CYSLTR1: variants seen among roughly 807,000 people sequenced by gnomAD.
CYSLTR1 encodes cysteinyl leukotriene receptor 1, also known as G-protein coupled receptor HG55.
In CYSLTR1, 1 loss-of-function variant was observed where a neutral mutation model predicts 2.1. The observed-to-expected ratio is 0.48, with a 90% CI of 0.17 to 2.28. CYSLTR1 has a LOEUF of 2.28. Among genes scored for constraint, CYSLTR1 ranks in the 30% most tolerant of loss-of-function variants. The probability of loss-of-function intolerance (pLI) is 0.26; values close to 1 mark genes in which losing one functional copy is unlikely to be tolerated. For synonymous variants in CYSLTR1, 110 were observed against 89.6 expected, an observed-to-expected ratio of 1.23 and a Z score of -1.28; for missense variants, 299 against 250.1, an observed-to-expected ratio of 1.20 and a Z score of -1.32.
intron 1 of CYSLTR1, among the ~76,000 whole-genome samples, chrX:78,292,186 T>G (rs771337722): frequency 1.8e-5 from 2 of 112,336 alleles, no homozygotes; most frequent in Admixed American, 9.4e-5. Flanking sequence ...TTTCATTGGT[T>G]TCAAAGAACA....
chrX:78,307,406 C>A (rs1416925356), intron 1 of CYSLTR1, among the ~76,000 whole-genome samples: 1 of 111,710 alleles, frequency 9.0e-6, no homozygotes, highest in East Asian at 2.8e-4. Context: ...TATTATCTTA[C>A]AACATTGCTG....
rs757639521 is a variant in CYSLTR1, at chrX:78,273,054, A to C, written c.693T>G (p.Ala231=). The change falls in exon 3 of 3, where the codon GCT becomes GCG. Residue 231 remains alanine, a synonymous_variant. Transcript: ENST00000373304. ...CGGTCACGACCATGATCATTCCTAT[A>C]GCCTTTTTATGACTTGACAGATTTT... ...MKKNLSSHKK[A]IGMIMVVTAA... is the part of the protein sequence containing the mutation. 7.4e-6 allele frequency: 9 copies of C among 1,209,442 alleles called. No individual in the cohort carries two copies. Among genetic ancestry groups the C allele is most frequent in the Non-Finnish European group, 1.0e-5 (9 of 894,822 alleles).
In CYSLTR1 at chrX:78,273,156, G is replaced by A. The variant is rs201161779; in HGVS notation, c.591C>T (p.Gly197=). The part of the protein sequence containing the change: ...LVLHYVSLFV[G]FIIPFVIIIV... ...TTATAATAACAAAAGGGATGATAAA[G>A]CCAACAAACAATGACACATAATGCA... Residue 197 remains glycine, a synonymous_variant, in exon 3 of 3, where the codon GGC becomes GGT. Transcript: ENST00000373304. The A allele has an allele frequency of 8.3e-5, 100 of 1,207,524 alleles. No homozygotes were observed. Among genetic ancestry groups the A allele is most frequent in the South Asian group, 4.2e-4 (24 of 56,586 alleles).
intron 1 of CYSLTR1, among the ~76,000 whole-genome samples, chrX:78,315,720 A>T (rs1923390511): frequency 8.9e-6 from 1 of 111,913 alleles, no homozygotes; most frequent in African/African-American, 3.2e-5. Flanking sequence ...TTGTAATTTG[A>T]GTGCCAACTC....
At chrX:78,317,181 A>C (rs1923450094) in intron 1 of CYSLTR1, among the ~76,000 whole-genome samples, 1 of 112,658 alleles carries the variant, frequency 8.9e-6, no homozygotes, top group African/African-American at 3.2e-5. Context: ...AGGGACATGT[A>C]TAGACAATTC....
At chrX:78,303,375 C>A (rs1922899271) in intron 1 of CYSLTR1, among the ~76,000 whole-genome samples, 1 of 107,884 alleles carries the variant, frequency 9.3e-6, no homozygotes, top group African/African-American at 3.4e-5. Context: ...AAGTTAAAAT[C>A]AGGTGCTATG....
At position 78,272,447 on chromosome X, in the gene CYSLTR1, A is replaced by G. The variant is rs1921306283; in HGVS notation, c.*286T>C. On this transcript the variant is annotated 3_prime_UTR_variant, in exon 3 of 3. Coordinates refer to ENST00000373304, the MANE Select transcript of CYSLTR1 (RefSeq NM_006639.4). Reference sequence around the variant, plus strand: ...GCTTTTATTTGAAGAGGAAAACTTTAATATAAGACATATTTTATAGTGCAA... The same window carrying G: ...GCTTTTATTTGAAGAGGAAAACTTTGATATAAGACATATTTTATAGTGCAA... 5.4e-6 allele frequency: 1 copy of G among 184,299 alleles called. No individual in the cohort carries two copies. The highest frequency in any genetic ancestry group is 3.0e-5 in the African/African-American group (1 of 33,759). 15.2% of individuals were successfully genotyped at this position (184,299 alleles called of 1,213,427 possible).
chrX:78,280,873 A>C (rs1432512099), intron 2 of CYSLTR1, among the ~76,000 whole-genome samples: 3 of 111,742 alleles, frequency 2.7e-5, no homozygotes, highest in Non-Finnish European at 3.8e-5. Context: ...GCTAAGGATA[A>C]TGGCCTCCAG....
rs768523427 is a variant in CYSLTR1 at position 78,272,855 on chromosome X, A to C, written c.892T>G (p.Ser298Ala). The change falls in exon 3 of 3, where the codon TCT becomes GCT. Residue 298 changes from serine (S) to alanine (A), a missense_variant. Coordinates refer to ENST00000373304, the MANE Select transcript of CYSLTR1 (RefSeq NM_006639.4). ...CCFDPLLYFF[S>A]GGNFRKRLST... Reference sequence around the variant, plus strand: ...AGCCTTTTCCTAAAGTTACCCCCAGAAAAGAAATATAGGAGAGGGTCAAAG... The same window carrying C: ...AGCCTTTTCCTAAAGTTACCCCCAGCAAAGAAATATAGGAGAGGGTCAAAG... The C allele has an allele frequency of 1.7e-6, 2 of 1,211,590 alleles. No individual in the cohort carries two copies. The highest frequency in any genetic ancestry group is 2.2e-6 in the Non-Finnish European group (2 of 895,479).
chrX:78,308,048 A>G (rs1051365771), intron 1 of CYSLTR1, among the ~76,000 whole-genome samples: 7 of 106,540 alleles, frequency 6.6e-5, no homozygotes, highest in Non-Finnish European at 1.2e-4. Context: ...GAAGCTCTTG[A>G]AAAAAAAAAG....
intron 1 of CYSLTR1, among the ~76,000 whole-genome samples, chrX:78,318,650 C>T (rs985510125): frequency 1.4e-4 from 16 of 112,290 alleles, no homozygotes; most frequent in Non-Finnish European, 2.6e-4. Flanking sequence ...TATTAGATTG[C>T]TCTACTTGGA....
chrX:78,298,677 G>A (rs958144867), intron 1 of CYSLTR1, among the ~76,000 whole-genome samples: 3 of 111,327 alleles, frequency 2.7e-5, no homozygotes, highest in Non-Finnish European at 1.9e-5. Context: ...TTTGTCTGTT[G>A]TAAGTATAGT....
rs1211681479 is a variant in CYSLTR1 at position 78,271,933 on chromosome X, A to T, written c.*800T>A. 1 of 111,735 alleles carries T rather than the reference A, an allele frequency of 8.9e-6. No individual in the cohort carries two copies. Among genetic ancestry groups the T allele is most frequent in the Non-Finnish European group, 1.9e-5 (1 of 53,130 alleles). 9.2% of individuals were successfully genotyped at this position (111,735 alleles called of 1,213,427 possible). ...GATAAGTTTTTAATTACTTCTATTT[A>T]TATATAGGAGTGCCAGTTGTCTGGC... On this transcript the variant is annotated 3_prime_UTR_variant, in exon 3 of 3. Coordinates refer to ENST00000373304, the MANE Select transcript of CYSLTR1 (RefSeq NM_006639.4).
intron 1 of CYSLTR1, among the ~76,000 whole-genome samples, chrX:78,306,626 G>A (rs974450531): frequency 8.9e-6 from 1 of 111,746 alleles, no homozygotes; most frequent in African/African-American, 3.3e-5. Flanking sequence ...GGATAAAGTG[G>A]CAATAACACA....
chrX:78,292,236 C>A (rs1414771180), intron 1 of CYSLTR1, among the ~76,000 whole-genome samples: 1 of 111,984 alleles, frequency 8.9e-6, no homozygotes, highest in East Asian at 2.8e-4. Context: ...ACCCAGTAGT[C>A]ATTTAGGAGC....
Position 78,272,766 on chromosome X carries a change from C to T in CYSLTR1, c.981G>A (p.Leu327=). The T allele has an allele frequency of 2.5e-6, 3 of 1,199,899 alleles. No individual in the cohort carries two copies. The South Asian group carries it at 5.5e-5, about 22-fold the overall frequency. Residue 327 remains leucine (L), a synonymous_variant, in exon 3 of 3, where the codon TTG becomes TTA. Transcript: ENST00000373304. ...TACATATTTCTTCTCCTTTTTCTGGCAAAGAGGCCTTCTTTCTGGGTACAT... is the reference window on the plus strand; with the variant it reads ...TACATATTTCTTCTCCTTTTTCTGGTAAAGAGGCCTTCTTTCTGGGTACAT... ...VTYVPRKKAS[L]PEKGEEICKV
At position 78,273,572 on chromosome X, in the gene CYSLTR1, G is replaced by T; in HGVS notation, c.175C>A (p.Gln59Lys). ...IKTYHKKSAF[Q>K]VYMINLAVAD... is the part of the protein sequence containing the mutation. ...ACTGCTAAATTAATCATGTATACTT[G>T]GAAGGCTGACTTCTTGTGATAGGTT... The change falls in exon 3 of 3, where the codon CAA (glutamine) becomes AAA (lysine). Residue 59 changes from glutamine to lysine, a missense_variant. Transcript: ENST00000373304. The T allele has an allele frequency of 8.3e-7, 1 of 1,211,531 alleles. No individual in the cohort carries two copies. The highest frequency in any genetic ancestry group is 1.1e-6 in the Non-Finnish European group (1 of 895,475).
chrX:78,275,912 T>C (rs1228901795), intron 2 of CYSLTR1, among the ~76,000 whole-genome samples: 1 of 111,529 alleles, frequency 9.0e-6, no homozygotes, highest in Admixed American at 9.5e-5. Context: ...CAGAACTCCA[T>C]GGTAAGAGAA....
intron 1 of CYSLTR1, among the ~76,000 whole-genome samples, chrX:78,303,050 A>G (rs150804849): frequency 0.015 from 1,657 of 111,569 alleles, 38 homozygotes; most frequent in African/African-American, 0.052. Context: ...TTCAAGCCCC[A>G]GAACACTGTA....
Sources: allele counts gnomAD v4.1 joint callset (sites outside exome capture counted in the v4.1 genomes callset), GRCh38; gene constraint gnomAD v4.1.1; transcripts MANE v1.5; gene names NCBI Gene and HGNC (gene_info 2026-07-23, HGNC 2026-07-21).